The following NR3C2 variants were observed in gnomAD, a reference collection of about 807,000 sequenced individuals.
NR3C2 encodes mineralocorticoid receptor.
NR3C2 carries 15 observed loss-of-function variants against 86.4 expected under a neutral mutation model. The observed-to-expected ratio is 0.17, with a 90% CI of 0.12 to 0.27. The LOEUF is 0.27. Among genes scored for constraint, NR3C2 ranks in the 10% least tolerant of loss-of-function variants. The pLI is 1.00. For synonymous variants in NR3C2, 458 were observed against 450.5 expected (o/e 1.02, Z -0.21); for missense variants, 960 against 1,195.6 (o/e 0.80, Z 2.91).
At chr4:148,278,572 C>T (rs897591324) in intron 2 of NR3C2, among the ~76,000 whole-genome samples, 13 of 151,970 alleles carry the variant, frequency 8.6e-5, no homozygotes, top group Admixed American at 7.2e-4. Context: ...CACGTGCGTG[C>T]GCGCGCACAC....
At chr4:148,293,359 C>T (rs1356147301) in intron 2 of NR3C2, among the ~76,000 whole-genome samples, 4 of 152,110 alleles carry the variant, frequency 2.6e-5, no homozygotes, top group Admixed American at 1.3e-4. Context: ...GAATCAACCA[C>T]GTTAAAGGGC....
intron 2 of NR3C2, among the ~76,000 whole-genome samples, chr4:148,317,874 TTTTC>T (rs1743287438): frequency 7.0e-6 from 1 of 142,348 alleles, no homozygotes; most frequent in Non-Finnish European, 1.6e-5. Context: ...GCTGTTTTCT[TTTTC>T]TTTTTTTTTA....
rs757203535 is a variant in NR3C2 at position 148,079,325 on chromosome 4, A to C, written c.*2019T>G. On this transcript the variant is annotated 3_prime_UTR_variant, in exon 9 of 9. Coordinates refer to ENST00000358102, the MANE Select transcript of NR3C2 (RefSeq NM_000901.5). ...TGAAATTGCAAATTATGTAAGAAAA[A>C]CTCCTCCCTCTGAGTGCAGCTTTCA... 5 of 151,080 alleles carry C rather than the reference A, an allele frequency of 3.3e-5. No homozygotes were observed. The highest frequency in any genetic ancestry group is 7.4e-5 in the Non-Finnish European group (5 of 67,814). 9.4% of individuals were successfully genotyped at this position (151,080 alleles called of 1,614,324 possible). A position where few individuals can be genotyped will look rare whatever the true frequency, so the allele number is the denominator to read the frequency against.
chr4:148,251,552 A>C (rs574457481), intron 3 of NR3C2, among the ~76,000 whole-genome samples: 3 of 152,334 alleles, frequency 2.0e-5, no homozygotes, highest in East Asian at 3.9e-4. Context: ...GAGAGCTAGT[A>C]GCATTCAGCT....
chr4:148,285,011 C>G (rs1741442560), intron 2 of NR3C2, among the ~76,000 whole-genome samples: 1 of 152,180 alleles, frequency 6.6e-6, no homozygotes, highest in African/African-American at 2.4e-5. Flanking sequence ...GTTTGCTGGA[C>G]TCAGAAGCCA....
intron 2 of NR3C2, among the ~76,000 whole-genome samples, chr4:148,279,494 G>C (rs1239507462): frequency 1.3e-5 from 2 of 152,134 alleles, no homozygotes; most frequent in East Asian, 3.9e-4. Flanking sequence ...AAAAATTCAT[G>C]ACTAACAATT....
chr4:148,391,721 G>T (rs546294074), intron 2 of NR3C2, among the ~76,000 whole-genome samples: 7 of 152,144 alleles, frequency 4.6e-5, no homozygotes, highest in African/African-American at 1.7e-4. Flanking sequence ...ACAAAAATTA[G>T]CTGGGCATGG....
chr4:148,363,971 A>G (rs553647957), intron 2 of NR3C2, among the ~76,000 whole-genome samples: 1 of 152,334 alleles, frequency 6.6e-6, no homozygotes, highest in Non-Finnish European at 1.5e-5. Flanking sequence ...AATTTTACTC[A>G]GTAATTACAT....
upstream of NR3C2, chr4:148,443,860 C>A: frequency 2.8e-6 from 1 of 351,844 alleles, no homozygotes; most frequent in Non-Finnish European, 4.0e-6. Flanking sequence ...GGATTCCGGA[C>A]CCCTAACCCA....
In NR3C2 at chr4:148,405,912, G is replaced by C. The variant is rs79930091; in HGVS notation, c.1757+29192C>G. 1.1e-3 allele frequency among the ~76,000 whole-genome samples: 171 copies of C among 152,346 alleles called. 1 individual carries two copies. The highest frequency in any genetic ancestry group is 3.8e-3 in the African/African-American group (160 of 41,584). ...TCATTCCAGAAGTTTGGGAGGCAGA[G>C]GCAGGTGGATCACTTGAGGTCAGAC... On this transcript the variant is annotated intron_variant, in intron 2 of 8. Transcript: ENST00000358102.
At chr4:148,422,134 G>A (rs1249437848) in intron 2 of NR3C2, among the ~76,000 whole-genome samples, 2 of 151,940 alleles carry the variant, frequency 1.3e-5, no homozygotes, top group African/African-American at 4.8e-5. Context: ...GTACTTAAGA[G>A]GGGGAAAAAT....
At chr4:148,343,408 AC>A (rs1232634655) in intron 2 of NR3C2, among the ~76,000 whole-genome samples, 1 of 109,106 alleles carries the variant, frequency 9.2e-6, no homozygotes, top group Non-Finnish European at 1.9e-5. Context: ...CGCCCCCCCG[AC>A]CCCCCCTTTT....
At chr4:148,242,069 A>G (rs1739079283) in intron 3 of NR3C2, among the ~76,000 whole-genome samples, 1 of 152,174 alleles carries the variant, frequency 6.6e-6, no homozygotes, top group Non-Finnish European at 1.5e-5. Flanking sequence ...TTAAGTGTTT[A>G]ATAGGTACAG....
At chr4:148,210,240 G>A (rs945853219) in intron 3 of NR3C2, among the ~76,000 whole-genome samples, 2 of 152,108 alleles carry the variant, frequency 1.3e-5, no homozygotes, top group African/African-American at 4.8e-5. Context: ...ACCCAGGCTG[G>A]AGTGCAGTGG....
chr4:148,286,196 T>C (rs1741510713), intron 2 of NR3C2, among the ~76,000 whole-genome samples: 2 of 152,224 alleles, frequency 1.3e-5, no homozygotes, highest in Admixed American at 6.5e-5. Context: ...AATATAATTT[T>C]CTGGGGATAT....
intron 4 of NR3C2, among the ~76,000 whole-genome samples, chr4:148,171,059 C>T (rs1303662066): frequency 6.6e-6 from 1 of 152,184 alleles, no homozygotes; most frequent in Non-Finnish European, 1.5e-5. Flanking sequence ...CCACAACAGG[C>T]TTCCTTACTA....
chr4:148,322,007 C>T (rs1032756059), intron 2 of NR3C2, among the ~76,000 whole-genome samples: 38 of 152,228 alleles, frequency 2.5e-4, no homozygotes, highest in African/African-American at 7.5e-4. Context: ...GATTTTGCAG[C>T]GGCTGGTACT....
chr4:148,212,917 C>T (rs1326424773), intron 3 of NR3C2, among the ~76,000 whole-genome samples: 1 of 152,144 alleles, frequency 6.6e-6, no homozygotes, highest in Non-Finnish European at 1.5e-5. Flanking sequence ...AAGAAGTTCA[C>T]AGAACTACAT....
chr4:148,203,521 T>A (rs1225996265), intron 3 of NR3C2, among the ~76,000 whole-genome samples: 3 of 151,860 alleles, frequency 2.0e-5, no homozygotes, highest in African/African-American at 7.3e-5. Flanking sequence ...TTGGGCTACA[T>A]CACATGTCAC....
Sources: allele counts gnomAD v4.1 joint callset (sites outside exome capture counted in the v4.1 genomes callset), GRCh38; gene constraint gnomAD v4.1.1; transcripts MANE v1.5; gene names NCBI Gene and HGNC (gene_info 2026-07-23, HGNC 2026-07-21).